Variants in CHST15 observed in about 807,000 individuals in gnomAD.
The protein encoded by CHST15 is carbohydrate sulfotransferase 15, also known as B cell RAG associated protein (GALNAC4S-6ST).
Under a neutral mutation model 53.6 loss-of-function variants are expected in CHST15, and 30 were observed. That is an observed-to-expected ratio of 0.56 (90% CI 0.42 to 0.76). The LOEUF is 0.76. Among genes scored for constraint, CHST15 ranks in the 30% least tolerant of loss-of-function variants. The pLI is 0.00. For synonymous variants in CHST15, 296 were observed against 289.8 expected (o/e 1.02, Z -0.22); for missense variants, 627 against 740.5 (o/e 0.85, Z 1.78).
At position 124,074,177 on chromosome 10, in the gene CHST15, C is replaced by T. The variant is rs940656315; in HGVS notation, c.-513+19292G>A. On this transcript the variant is annotated intron_variant, in intron 1 of 7. Transcript: ENST00000435907. The surrounding 1 kb of genome is among the most constrained non-coding windows in gnomAD (Gnocchi z 4.4). ...CCAGGGAAGGTAGCTTGCTCTCCCT[C>T]CCAAGATCTTTCCACTTCATTTCTG... Among the ~76,000 whole-genome samples the T allele has an allele frequency of 6.6e-6, 1 of 152,232 alleles. No individual in the cohort carries two copies. The highest frequency in any genetic ancestry group is 1.5e-5 in the Non-Finnish European group (1 of 68,048).
chr10:124,086,130 T>G (rs931476843), intron 1 of CHST15, among the ~76,000 whole-genome samples: 1 of 152,236 alleles, frequency 6.6e-6, no homozygotes, highest in African/African-American at 2.4e-5. Context: ...GGATCACCAT[T>G]ACCTCAATCA....
chr10:124,023,368 C>A (rs1946865244), intron 5 of CHST15, among the ~76,000 whole-genome samples: 1 of 151,812 alleles, frequency 6.6e-6, no homozygotes. Flanking sequence ...TGCCTGTAGT[C>A]CAGCTATTCT....
At chr10:124,027,354 G>A (rs1947052880) in intron 5 of CHST15, among the ~76,000 whole-genome samples, 2 of 152,190 alleles carry the variant, frequency 1.3e-5, no homozygotes, top group African/African-American at 4.8e-5. Flanking sequence ...AGGGACAAAG[G>A]AGAGGCCAGC....
At position 124,031,977 on chromosome 10, in the gene CHST15, C is replaced by T. The variant is rs142289286; in HGVS notation, c.1190+6538G>A. On this transcript the variant is annotated intron_variant, in intron 5 of 7. Transcript: ENST00000435907. The stretch of plus-strand genomic sequence containing the variant: ...TGCACCACCCTGAGGCCCCCTCACA[C>T]ACTCTGCAGACAGAGTGAAACTGAT... Among the ~76,000 whole-genome samples the T allele has an allele frequency of 3.4e-3, 516 of 152,334 alleles. 6 individuals are homozygous for T. Among genetic ancestry groups the T allele is most frequent in the African/African-American group, 0.012 (494 of 41,572 alleles).
chr10:124,043,540 C>T (rs1035338296), intron 3 of CHST15, among the ~76,000 whole-genome samples: 3 of 152,232 alleles, frequency 2.0e-5, no homozygotes, highest in African/African-American at 4.8e-5. Context: ...AAAACACCCT[C>T]GTGGCCTGCC....
chr10:124,010,401 T>G, intron 7 of CHST15, 62 bp from the exon 8 acceptor site: 1 of 1,469,030 alleles, frequency 6.8e-7, no homozygotes, highest in Non-Finnish European at 9.0e-7. Flanking sequence ...AAAGGGACTT[T>G]GCAAAAATCC....
At chr10:124,044,987 A>G (rs576269522) in intron 2 of CHST15, 68 bp from the exon 3 acceptor site, 18 of 1,083,104 alleles carry the variant, frequency 1.7e-5, no homozygotes, top group Admixed American at 3.4e-5. Context: ...TCTAACCGCA[A>G]TGGGAACCTG....
intron 5 of CHST15, among the ~76,000 whole-genome samples, chr10:124,033,322 C>T (rs1947299588): frequency 6.6e-6 from 1 of 152,226 alleles, no homozygotes; most frequent in Non-Finnish European, 1.5e-5. Flanking sequence ...AGAAAATATG[C>T]ACATAAACAC....
At chr10:124,026,620 A>G (rs1183466812) in intron 5 of CHST15, among the ~76,000 whole-genome samples, 1 of 152,222 alleles carries the variant, frequency 6.6e-6, no homozygotes, top group East Asian at 1.9e-4. Context: ...ATCAATCATC[A>G]CAGAACTGCA....
intron 5 of CHST15, among the ~76,000 whole-genome samples, chr10:124,031,387 A>G (rs931240414): frequency 5.3e-5 from 8 of 152,238 alleles, no homozygotes; most frequent in African/African-American, 1.9e-4. Context: ...TGAATGTCAT[A>G]GAGTGTTCAC....
Position 124,024,076 on chromosome 10 carries a change from C to G in CHST15, c.1191-2664G>C, listed in dbSNP as rs1946899645. On this transcript the variant is annotated intron_variant, in intron 5 of 7. Transcript: ENST00000435907. The surrounding 1 kb of genome is among the most constrained non-coding windows in gnomAD (Gnocchi z 4.0). ...GCCAGGCTGGTCTCGAACTCCAGAC[C>G]TCAGGTGATCCACCCACCTCAGCCT... Among the ~76,000 whole-genome samples, 1 of 152,138 alleles carries G rather than the reference C, an allele frequency of 6.6e-6. No homozygotes were observed. Among genetic ancestry groups the G allele is most frequent in the African/African-American group, 2.4e-5 (1 of 41,432 alleles).
At chr10:124,013,560 A>G (rs2133824878) in intron 6 of CHST15, among the ~76,000 whole-genome samples, 1 of 152,346 alleles carries the variant, frequency 6.6e-6, no homozygotes, top group Non-Finnish European at 1.5e-5. Context: ...ATAGTGTAAT[A>G]GCCTCCAGTG....
intron 6 of CHST15, among the ~76,000 whole-genome samples, chr10:124,014,277 G>A (rs1004578103): frequency 3.3e-5 from 5 of 152,198 alleles, no homozygotes; most frequent in Admixed American, 6.5e-5. Flanking sequence ...CATGGTTCTC[G>A]GGTGCAACTG....
intron 1 of CHST15, among the ~76,000 whole-genome samples, chr10:124,077,791 C>T (rs1178879749): frequency 2.0e-5 from 3 of 152,204 alleles, no homozygotes; most frequent in African/African-American, 7.2e-5. Flanking sequence ...CTGAGCAGCT[C>T]GCACAGTCCT....
At chr10:124,054,408 T>C (rs1359666801) in intron 1 of CHST15, among the ~76,000 whole-genome samples, 1 of 152,246 alleles carries the variant, frequency 6.6e-6, no homozygotes, top group African/African-American at 2.4e-5. Context: ...CACAACTACC[T>C]TACATGCATA....
intron 5 of CHST15, among the ~76,000 whole-genome samples, chr10:124,037,494 G>A (rs989980390): frequency 2.0e-5 from 3 of 152,172 alleles, no homozygotes; most frequent in South Asian, 2.1e-4. Context: ...GCCATCTTGC[G>A]CGGAGAATTC....
At chr10:124,032,720 G>A (rs1442993157) in intron 5 of CHST15, among the ~76,000 whole-genome samples, 1 of 151,026 alleles carries the variant, frequency 6.6e-6, no homozygotes, top group African/African-American at 2.4e-5. Context: ...CTCTTACAGA[G>A]AGGAAACTGG....
intron 1 of CHST15, among the ~76,000 whole-genome samples, chr10:124,087,992 A>T (rs750180683): frequency 7.2e-5 from 11 of 152,250 alleles, no homozygotes; most frequent in Non-Finnish European, 1.6e-4. Flanking sequence ...ACCTAGCTGG[A>T]GCCAAGGCTT....
intron 1 of CHST15, among the ~76,000 whole-genome samples, chr10:124,082,758 C>T (rs192874573): frequency 7.9e-5 from 12 of 152,328 alleles, no homozygotes; most frequent in East Asian, 1.9e-4. Flanking sequence ...GAAGTGCTGA[C>T]GCATGCCACA....
Sources: gnomAD v4.1 joint callset for allele counts (sites outside exome capture counted in the v4.1 genomes callset) on GRCh38, gnomAD v4.1.1 for gene constraint, Gnocchi (gnomAD v3.1) non-coding constraint, MANE v1.5 for transcripts, NCBI Gene and HGNC (gene_info 2026-07-23, HGNC 2026-07-21) for gene names.